The following COG3 variants were observed in gnomAD, a reference collection of about 807,000 sequenced individuals.
The protein encoded by COG3 is component of oligomeric golgi complex 3.
COG3 carries 32 observed loss-of-function variants against 114.1 expected under a neutral mutation model. The ratio of observed to expected loss-of-function variants is 0.28; its 90% CI spans 0.21 to 0.38. The LOEUF (loss-of-function observed/expected upper bound fraction) is 0.38, where lower values mean the gene tolerates loss of function less well. Ranked by LOEUF, COG3 falls within the 10% of genes least tolerant of loss-of-function variation. The probability of loss-of-function intolerance (pLI) is 1.00; values close to 1 mark genes in which losing one functional copy is unlikely to be tolerated. For synonymous variants in COG3, 352 were observed against 365.7 expected, an observed-to-expected ratio of 0.96 and a Z score of 0.43; for missense variants, 813 against 973.2, an observed-to-expected ratio of 0.84 and a Z score of 2.19.
In COG3 at chr13:45,494,618, C is replaced by T. The variant is rs553883458; in HGVS notation, c.1327+1132C>T. ...TCGGCTCACTACAACCTCTGCCTCCCGGGGTCAAGTGATCTCCCACCTCAG... is the reference window on the plus strand; with the variant it reads ...TCGGCTCACTACAACCTCTGCCTCCTGGGGTCAAGTGATCTCCCACCTCAG... On this transcript the variant is annotated intron_variant, in intron 12 of 22. Transcript: ENST00000349995. 2.0e-5 allele frequency among the ~76,000 whole-genome samples: 3 copies of T among 152,046 alleles called. No individual in the cohort carries two copies. In the South Asian group the frequency reaches 6.2e-4, roughly 32 times the overall value.
intron 22 of COG3, among the ~76,000 whole-genome samples, chr13:45,533,638 C>G (rs1873356100): frequency 6.6e-6 from 1 of 152,176 alleles, no homozygotes; most frequent in East Asian, 1.9e-4. Flanking sequence ...TCATCAGAGT[C>G]CCGGTACCGT....
At chr13:45,481,102 G>C in intron 4 of COG3, 128 bp from the exon 5 acceptor site, 1 of 638,494 alleles carries the variant, frequency 1.6e-6, no homozygotes, top group East Asian at 2.9e-5. Flanking sequence ...AGAAATACTT[G>C]AGCTGAATTC....
rs115626286 is a variant in COG3, at chr13:45,505,689, G to A, written c.1594+2340G>A. Among the ~76,000 whole-genome samples, 1,109 of 151,836 alleles carry A rather than the reference G, an allele frequency of 7.3e-3. 14 individuals carry two copies. The highest frequency in any genetic ancestry group is 0.025 in the African/African-American group (1,033 of 41,394). On this transcript the variant is annotated intron_variant, in intron 14 of 22. Transcript: ENST00000349995. ...GCCCAGGCTGGTTTCGAACTTCTGTGCTCAAGCAATCCTCCTGTTTTGGCC... is the reference window on the plus strand; with the variant it reads ...GCCCAGGCTGGTTTCGAACTTCTGTACTCAAGCAATCCTCCTGTTTTGGCC...
intron 14 of COG3, 61 bp downstream of exon 14, chr13:45,503,410 G>T: frequency 1.1e-6 from 1 of 908,122 alleles, no homozygotes. Flanking sequence ...CCTTTACTGA[G>T]GACTTGTCCT....
chr13:45,471,036 G>A (rs1197422060), intron 1 of COG3, among the ~76,000 whole-genome samples: 2 of 152,146 alleles, frequency 1.3e-5, no homozygotes, highest in Non-Finnish European at 2.9e-5. Flanking sequence ...GCTGAGGAGC[G>A]TCTGTACTAC....
chr13:45,529,849 G>C lies in COG3; in HGVS notation c.2289G>C (p.Val763=). ...AYKTIKTKLP[V]TLRSMSLYLS... ...AGACAATAAAAACAAAGCTGCCTGT[G>C]ACATTGAGAAGTATGTCCTTGTACC... The change falls in exon 21 of 23, where the codon GTG becomes GTC. Residue 763 remains valine, a synonymous_variant. Coordinates refer to ENST00000349995, the MANE Select transcript of COG3 (RefSeq NM_031431.4). 1.9e-6 allele frequency: 3 copies of C among 1,613,812 alleles called. No individual in the cohort carries two copies. Among genetic ancestry groups the C allele is most frequent in the Non-Finnish European group, 2.5e-6 (3 of 1,179,772 alleles).
chr13:45,500,441 C>T (rs1287525179), intron 13 of COG3, among the ~76,000 whole-genome samples: 2 of 152,116 alleles, frequency 1.3e-5, no homozygotes, highest in Non-Finnish European at 2.9e-5. Context: ...AAGTGCCAAT[C>T]TGTGTTGTTA....
At chr13:45,493,252 T>C (rs1282967990) in intron 11 of COG3, 95 bp from the exon 12 acceptor site, 1 of 962,820 alleles carries the variant, frequency 1.0e-6, no homozygotes, top group African/African-American at 1.6e-5. Context: ...TACTTATTGT[T>C]CTTATTGACT....
rs761337145 is a variant in COG3, at chr13:45,476,223, G to A, written c.197G>A (p.Ser66Asn). ...PAELPIEDLC[S>N]LTSQSLPIEL... ...AAGCTTCCAATTGAAGACTTGTGCAGTTTAACATCCCAGTCACTGCCCATT... is the reference window on the plus strand; with the variant it reads ...AAGCTTCCAATTGAAGACTTGTGCAATTTAACATCCCAGTCACTGCCCATT... The change falls in exon 2 of 23, where the codon AGT (serine) becomes AAT (asparagine). Residue 66 changes from serine (S) to asparagine (N), a missense_variant. Transcript: ENST00000349995. 2 of 1,613,120 alleles carry A rather than the reference G, an allele frequency of 1.2e-6. No individual in the cohort carries two copies. The highest frequency in any genetic ancestry group is 1.7e-6 in the Non-Finnish European group (2 of 1,179,422).
intron 16 of COG3, among the ~76,000 whole-genome samples, chr13:45,513,547 T>C (rs1229399096): frequency 7.0e-6 from 1 of 142,212 alleles, no homozygotes; most frequent in African/African-American, 2.6e-5. Flanking sequence ...TATATACATA[T>C]AAATTATATA....
intron 22 of COG3, among the ~76,000 whole-genome samples, chr13:45,532,486 C>G (rs73480494): frequency 6.6e-6 from 1 of 151,056 alleles, no homozygotes; most frequent in East Asian, 1.9e-4. Context: ...GTTCCTTTTC[C>G]GATCCCCTCC....
At chr13:45,465,995 C>G (rs770501531) in intron 1 of COG3, among the ~76,000 whole-genome samples, 6 of 151,956 alleles carry the variant, frequency 3.9e-5, no homozygotes, top group Non-Finnish European at 8.8e-5. Flanking sequence ...GTTTTGAGGG[C>G]CAGGTTTAGG....
At chr13:45,509,955 G>C in intron 15 of COG3, 139 bp downstream of exon 15, 7 of 873,464 alleles carry the variant, frequency 8.0e-6, no homozygotes, top group Non-Finnish European at 1.0e-5. Context: ...TTGAGGTCAA[G>C]CTAATTTAGG....
rs76823311 is a variant in COG3, at chr13:45,498,251, A to C, written c.1488+1939A>C. ...CTCGTAAGAATAAAGACAATTGTTC[A>C]TATAACCACAGTATCATTTTTGTAT... On this transcript the variant is annotated intron_variant, in intron 13 of 22. Transcript: ENST00000349995. 4.6e-3 allele frequency among the ~76,000 whole-genome samples: 697 copies of C among 152,156 alleles called. 7 individuals are homozygous for C. Among genetic ancestry groups the C allele is most frequent in the African/African-American group, 0.016 (658 of 41,530 alleles).
chr13:45,503,773 C>T (rs765901687), intron 14 of COG3, among the ~76,000 whole-genome samples: 13 of 151,976 alleles, frequency 8.6e-5, no homozygotes, highest in Non-Finnish European at 1.9e-4. Context: ...TATGTTTGGG[C>T]CCAGGTTGTA....
intron 1 of COG3, among the ~76,000 whole-genome samples, chr13:45,468,348 G>A (rs2137767426): frequency 6.6e-6 from 1 of 152,268 alleles, no homozygotes; most frequent in South Asian, 2.1e-4. Flanking sequence ...CAAGTTACTT[G>A]CTATTATTCT....
intron 22 of COG3, among the ~76,000 whole-genome samples, chr13:45,532,572 T>G (rs948192163): frequency 1.6e-5 from 1 of 61,218 alleles, no homozygotes; most frequent in African/African-American, 3.9e-5. Context: ...TTTTTTTTTT[T>G]TTTTTTTTTT....
chr13:45,486,367 A>G (rs1167529952), intron 7 of COG3, 128 bp from the exon 8 acceptor site: 2 of 646,950 alleles, frequency 3.1e-6, no homozygotes, highest in East Asian at 5.3e-5. Flanking sequence ...AGGGAGAGGG[A>G]GACTCTCCCT....
chr13:45,514,557 T>G (rs1871333453), intron 16 of COG3, among the ~76,000 whole-genome samples: 1 of 152,252 alleles, frequency 6.6e-6, no homozygotes, highest in Non-Finnish European at 1.5e-5. Flanking sequence ...TAATTCTGTT[T>G]CCTACATATT....
Sources: allele counts gnomAD v4.1 joint callset (sites outside exome capture counted in the v4.1 genomes callset), GRCh38; gene constraint gnomAD v4.1.1; transcripts MANE v1.5; gene names NCBI Gene and HGNC (gene_info 2026-07-23, HGNC 2026-07-21).